FRMD4A: variants seen among roughly 807,000 people sequenced by gnomAD.
FRMD4A encodes FERM domain containing 4A, also known as FERM domain-containing protein 4A.
In FRMD4A, 29 loss-of-function variants were observed where a neutral mutation model predicts 129.1. The observed-to-expected ratio is 0.22, with a 90% CI of 0.17 to 0.31. The LOEUF (loss-of-function observed/expected upper bound fraction) is 0.31, where lower values mean the gene tolerates loss of function less well. Among genes scored for constraint, FRMD4A ranks in the 10% least tolerant of loss-of-function variants. The probability of loss-of-function intolerance (pLI) is 1.00; values close to 1 mark genes in which losing one functional copy is unlikely to be tolerated. For missense variants in FRMD4A, 1,272 were observed against 1,375.8 expected (o/e 0.92, Z 1.19); for synonymous variants, 634 against 571.6 (o/e 1.11, Z -1.56).
chr10:13,893,158 T>C (rs893933509), intron 2 of FRMD4A, among the ~76,000 whole-genome samples: 5 of 152,100 alleles, frequency 3.3e-5, no homozygotes, highest in African/African-American at 1.2e-4. Flanking sequence ...TGCCTCAGCC[T>C]CCTAAGTAAC....
intron 2 of FRMD4A, among the ~76,000 whole-genome samples, chr10:14,175,262 G>GC (rs1841675347): frequency 6.6e-6 from 1 of 152,078 alleles, no homozygotes; most frequent in South Asian, 2.1e-4. Context: ...TAAGGAAGAT[G>GC]CCCCTGTCCC....
chr10:13,925,330 T>C (rs1318367324), intron 2 of FRMD4A, among the ~76,000 whole-genome samples: 1 of 152,082 alleles, frequency 6.6e-6, no homozygotes, highest in Non-Finnish European at 1.5e-5. Flanking sequence ...TAATCACCAC[T>C]TCTATTATCA....
rs182980758 is a variant in FRMD4A, at chr10:14,173,843, C to T, written c.45+156215G>A. ...CGCTCCCCTCTCTGCTCTCCCCTTC[C>T]CCTCAGATCGCGCTGCCGTGCAGGC... is the stretch of plus-strand genomic sequence containing the variant. On this transcript the variant is annotated intron_variant, in intron 2 of 24. Coordinates refer to ENST00000357447, the MANE Select transcript of FRMD4A (RefSeq NM_018027.5). Among the ~76,000 whole-genome samples, 1,063 of 152,170 alleles carry T rather than the reference C, an allele frequency of 7.0e-3. 4 individuals are homozygous for T. Among genetic ancestry groups the T allele is most frequent in the Non-Finnish European group, 0.012 (798 of 67,986 alleles).
intron 4 of FRMD4A, among the ~76,000 whole-genome samples, chr10:13,798,487 C>T (rs914073246): frequency 6.6e-6 from 1 of 152,168 alleles, no homozygotes; most frequent in Non-Finnish European, 1.5e-5. Context: ...GAGGCCAAGG[C>T]AGACAGATCA....
chr10:14,179,293 T>C (rs1841832366), intron 2 of FRMD4A, among the ~76,000 whole-genome samples: 1 of 152,242 alleles, frequency 6.6e-6, no homozygotes, highest in Non-Finnish European at 1.5e-5. Flanking sequence ...GAGAAGATTG[T>C]GACCTAAGCA....
chr10:14,071,105 T>C (rs1835298521), intron 2 of FRMD4A, among the ~76,000 whole-genome samples: 1 of 152,248 alleles, frequency 6.6e-6, no homozygotes, highest in Non-Finnish European at 1.5e-5. Flanking sequence ...ACACGAGTCC[T>C]TCTTACTTTC....
At chr10:13,869,738 G>A (rs1219852842) in intron 2 of FRMD4A, among the ~76,000 whole-genome samples, 1 of 152,190 alleles carries the variant, frequency 6.6e-6, no homozygotes, top group African/African-American at 2.4e-5. Flanking sequence ...TTTCCTCCTA[G>A]GTTCTGCCAC....
At chr10:14,074,377 C>T (rs1275167473) in intron 2 of FRMD4A, 1 of 152,158 alleles carries the variant, frequency 6.6e-6, no homozygotes, top group Non-Finnish European at 1.5e-5. Context: ...CCTGGGTCTT[C>T]AACGAGATGA....
rs1046678240 is a variant in FRMD4A, at chr10:14,330,109, C to G, written c.-7G>C. On this transcript the variant is annotated 5_prime_UTR_variant, in exon 2 of 25. Transcript: ENST00000357447. ...GCACCAGCTGCACTGCCATGGTCTC[C>G]GATTCCCATGCACGAATCCTGCTGC... 6.4e-6 allele frequency: 10 copies of G among 1,552,242 alleles called. No homozygotes were observed. The South Asian group carries it at 1.1e-4, about 17-fold the overall frequency.
At chr10:14,185,617 GATATATACTTC>G (rs1564371613) in intron 2 of FRMD4A, among the ~76,000 whole-genome samples, 1 of 151,954 alleles carries the variant, frequency 6.6e-6, no homozygotes, top group African/African-American at 2.4e-5. Context: ...ACAGAAAGGG[GATATATACTTC>G]ATGGTCAGAG....
chr10:14,276,261 A>G (rs1195283050), intron 2 of FRMD4A, among the ~76,000 whole-genome samples: 4 of 152,114 alleles, frequency 2.6e-5, no homozygotes, highest in Non-Finnish European at 4.4e-5. Flanking sequence ...ACTGGCCATG[A>G]AAGGGCACTG....
intron 2 of FRMD4A, among the ~76,000 whole-genome samples, chr10:14,242,533 A>G (rs11258973): frequency 0.088 from 13,366 of 152,326 alleles, 784 homozygotes; most frequent in Middle Eastern, 0.14. Flanking sequence ...ATAAAGACAT[A>G]CAAAGGATAA....
chr10:13,997,976 T>A (rs1342109391), intron 2 of FRMD4A, among the ~76,000 whole-genome samples: 1 of 152,164 alleles, frequency 6.6e-6, no homozygotes, highest in East Asian at 1.9e-4. Flanking sequence ...ATAAGGTGAT[T>A]TCTTAGTCCT....
At chr10:13,811,923 A>G (rs1588859968) in intron 3 of FRMD4A, among the ~76,000 whole-genome samples, 1 of 139,678 alleles carries the variant, frequency 7.2e-6, no homozygotes, top group South Asian at 2.2e-4. Context: ...TCGCTCTGTC[A>G]CCAGGCTGGT....
At chr10:14,274,969 T>C (rs1845288390) in intron 2 of FRMD4A, among the ~76,000 whole-genome samples, 1 of 152,228 alleles carries the variant, frequency 6.6e-6, no homozygotes, top group Non-Finnish European at 1.5e-5. Context: ...AATTTCAGTT[T>C]TCAGGTTGAC....
chr10:13,655,707 C>T (rs1266583070), intron 22 of FRMD4A: 2 of 152,202 alleles, frequency 1.3e-5, no homozygotes, highest in Non-Finnish European at 2.9e-5. Context: ...CTGTTTCCCC[C>T]GATCTTTACC....
intron 2 of FRMD4A, among the ~76,000 whole-genome samples, chr10:13,914,073 T>C (rs548235947): frequency 9.2e-5 from 14 of 152,296 alleles, no homozygotes; most frequent in African/African-American, 3.4e-4. Flanking sequence ...TGGGCAGTCA[T>C]TCAGCTGTGG....
chr10:13,945,873 G>C (rs1379817860), intron 2 of FRMD4A, among the ~76,000 whole-genome samples: 1 of 152,130 alleles, frequency 6.6e-6, no homozygotes, highest in Non-Finnish European at 1.5e-5. Flanking sequence ...ATGACTGCAG[G>C]CTTCAAGGAA....
chr10:13,867,295 G>A (rs777618537), intron 2 of FRMD4A, among the ~76,000 whole-genome samples: 11 of 151,836 alleles, frequency 7.2e-5, no homozygotes, highest in African/African-American at 1.5e-4. Context: ...GTCTCACTCC[G>A]TGGTCCCAGC....
Sources: allele counts gnomAD v4.1 joint callset (sites outside exome capture counted in the v4.1 genomes callset), GRCh38; gene constraint gnomAD v4.1.1; transcripts MANE v1.5; gene names NCBI Gene and HGNC (gene_info 2026-07-23, HGNC 2026-07-21).